PARP4: variants seen among roughly 807,000 people sequenced by gnomAD.
The protein encoded by PARP4 is protein mono-ADP-ribosyltransferase PARP4.
In PARP4, 120 loss-of-function variants were observed where a neutral mutation model predicts 187.7. The observed-to-expected ratio is 0.64, with a 90% CI of 0.55 to 0.74. PARP4 has a LOEUF of 0.74. Ranked by LOEUF, PARP4 falls within the 30% of genes least tolerant of loss-of-function variation. The pLI, the probability that PARP4 is intolerant of heterozygous loss-of-function variation, is 0.00. For missense variants in PARP4, 1,836 were observed against 2,070.5 expected, an observed-to-expected ratio of 0.89 and a Z score of 2.20; for synonymous variants, 654 against 740.9, an observed-to-expected ratio of 0.88 and a Z score of 1.90.
chr13:24,434,511 T>C lies in PARP4; in HGVS notation c.4630A>G (p.Thr1544Ala), dbSNP rs1870505012. 1 of 1,613,908 alleles carries C rather than the reference T, an allele frequency of 6.2e-7. No individual in the cohort carries two copies. The highest frequency in any genetic ancestry group is 1.3e-5 in the African/African-American group (1 of 74,944). ...AAGCACAGGATACTGTCATCTTTTG[T>C]ATCACATTTTATTTGTAAAAAGCAG... ...DSCFLQIKCD[T>A]KDDSILCFLE... Residue 1544 changes from threonine to alanine, a missense_variant, in exon 31 of 34, where the codon ACA becomes GCA. Thr to Ala is a moderately conservative substitution (Grantham distance 58). Coordinates refer to ENST00000381989, the MANE Select transcript of PARP4 (RefSeq NM_006437.4).
intron 1 of PARP4, among the ~76,000 whole-genome samples, chr13:24,506,973 C>T (rs1869734410): frequency 6.6e-6 from 1 of 152,208 alleles, no homozygotes; most frequent in South Asian, 2.1e-4. Context: ...GCTAAGGCTC[C>T]ACGAGAAATC....
At chr13:24,424,676 T>TTG (rs1206031077) in intron 33 of PARP4, among the ~76,000 whole-genome samples, 2 of 119,154 alleles carry the variant, frequency 1.7e-5, no homozygotes, top group African/African-American at 7.4e-5. Flanking sequence ...TTATGTACTT[T>TTG]TTTTTTTTTT....
chr13:24,484,776 T>A (rs1414721513), intron 11 of PARP4, 28 bp from the exon 12 acceptor site: 3 of 1,367,242 alleles, frequency 2.2e-6, no homozygotes, highest in South Asian at 1.2e-5. Flanking sequence ...GGATAAGGTG[T>A]AAGCCCAACA....
chr13:24,466,561 G>C (rs1022981411), intron 17 of PARP4, among the ~76,000 whole-genome samples: 1 of 152,142 alleles, frequency 6.6e-6, no homozygotes, highest in Non-Finnish European at 1.5e-5. Context: ...TTGGGAGGCA[G>C]AGGCAGGAGA....
At chr13:24,500,767 G>A (rs1869231234) in intron 3 of PARP4, among the ~76,000 whole-genome samples, 1 of 152,164 alleles carries the variant, frequency 6.6e-6, no homozygotes, top group African/African-American at 2.4e-5. Flanking sequence ...AAAGTCAAGG[G>A]CTCTGCATGA....
At chr13:24,497,532 C>T (rs1050251482) in intron 6 of PARP4, among the ~76,000 whole-genome samples, 22 of 152,240 alleles carry the variant, frequency 1.4e-4, no homozygotes, top group African/African-American at 4.3e-4. Context: ...TAAACATTCC[C>T]TTCTAGCGGG....
At position 24,486,308 on chromosome 13, in the gene PARP4, G is replaced by A. The variant is rs1873553617; in HGVS notation, c.1215-3C>T. On this transcript the variant is annotated splice_region_variant and splice_polypyrimidine_tract_variant and intron_variant, in intron 10 of 33. Transcript: ENST00000381989. The stretch of plus-strand genomic sequence containing the variant: ...GCAAGACATCCACTGGGCTCTTACT[G>A]TAAGAATTAGAAGAAAAGCCTTTAG... 14 of 1,562,734 alleles carry A rather than the reference G, an allele frequency of 9.0e-6. No individual in the cohort carries two copies. Among genetic ancestry groups the A allele is most frequent in the Non-Finnish European group, 1.2e-5 (14 of 1,138,666 alleles).
Position 24,465,451 on chromosome 13 carries a change from T to G in PARP4, c.2133+3573A>C, listed in dbSNP as rs1282565340. ...GGTACATATGTACCATGGAATACCA[T>G]GCAGACCATGTCCTTTGCAGGGACA... On this transcript the variant is annotated intron_variant, in intron 17 of 33. Transcript: ENST00000381989. Among the ~76,000 whole-genome samples the G allele has an allele frequency of 1.4e-4, 9 of 63,036 alleles. No homozygotes were observed. In the South Asian group the frequency reaches 5.8e-3, roughly 41 times the overall value. 41.4% of individuals were successfully genotyped at this position (63,036 alleles called of 152,430 possible). A position where few individuals can be genotyped will look rare whatever the true frequency, so the allele number is the denominator to read the frequency against.
chr13:24,485,959 C>T (rs1873528579), intron 11 of PARP4, among the ~76,000 whole-genome samples: 1 of 152,140 alleles, frequency 6.6e-6, no homozygotes, highest in Admixed American at 6.5e-5. Flanking sequence ...ATTAGGATTA[C>T]AGGTGTGACC....
At chr13:24,456,185 A>G (rs1813627925) in intron 21 of PARP4, among the ~76,000 whole-genome samples, 156 bp downstream of exon 21, 1 of 152,208 alleles carries the variant, frequency 6.6e-6, no homozygotes, top group South Asian at 2.1e-4. Context: ...GGCATGCTTG[A>G]TATCATAAAT....
chr13:24,470,784 T>C (rs1189653443), intron 15 of PARP4, among the ~76,000 whole-genome samples: 2 of 152,248 alleles, frequency 1.3e-5, no homozygotes, highest in South Asian at 4.2e-4. Context: ...TTGAAAACAT[T>C]GTCCACACCT....
intron 12 of PARP4, among the ~76,000 whole-genome samples, chr13:24,479,160 C>A (rs1030142216): frequency 6.6e-6 from 1 of 152,166 alleles, no homozygotes; most frequent in African/African-American, 2.4e-5. Flanking sequence ...CTAGGACACA[C>A]CTTTGGACAC....
rs775167729 is a variant in PARP4, at chr13:24,501,775, G to T, written c.192C>A (p.Ile64=). 10 of 1,612,752 alleles carry T rather than the reference G, an allele frequency of 6.2e-6. No individual in the cohort carries two copies. The highest frequency in any genetic ancestry group is 8.5e-6 in the Non-Finnish European group (10 of 1,178,850). Residue 64 remains isoleucine (I), a synonymous_variant, in exon 3 of 34, where the codon ATC becomes ATA. Transcript: ENST00000381989. ...DVLSQYQLNS[I]QKNHVHIANP... The stretch of plus-strand genomic sequence containing the variant: ...TTGCAATATGAACGTGGTTCTTTTG[G>T]ATAGAATTCAGTTGGTACTGACTCA...
Position 24,459,338 on chromosome 13 carries a change from A to T in PARP4, c.2299-28T>A, listed in dbSNP as rs757893071. On this transcript the variant is annotated intron_variant, in intron 18 of 33. Coordinates refer to ENST00000381989, the MANE Select transcript of PARP4 (RefSeq NM_006437.4). ...GTTAAAAGAAAAATACATTTGTATA[A>T]CTAAGCATATATTAAGTTTCACAAT... is the stretch of plus-strand genomic sequence containing the variant. The T allele has an allele frequency of 5.3e-6, 8 of 1,500,450 alleles. No homozygotes were observed. The South Asian group carries it at 9.8e-5, about 18-fold the overall frequency. 92.9% of individuals were successfully genotyped at this position (1,500,450 alleles called of 1,614,324 possible). A position where few individuals can be genotyped will look rare whatever the true frequency, so the allele number is the denominator to read the frequency against.
intron 9 of PARP4, among the ~76,000 whole-genome samples, 171 bp downstream of exon 9, chr13:24,492,250 T>C (rs772351369): frequency 9.9e-5 from 15 of 151,182 alleles, no homozygotes; most frequent in East Asian, 1.9e-4. Context: ...GAAAATATGG[T>C]TTAACTTTCA....
At chr13:24,437,942 G>C (rs1870717979) in intron 30 of PARP4, among the ~76,000 whole-genome samples, 1 of 151,712 alleles carries the variant, frequency 6.6e-6, no homozygotes, top group Non-Finnish European at 1.5e-5. Context: ...TTTTTTAGTA[G>C]AGACAGGGTT....
Position 24,494,624 on chromosome 13 carries a change from T to C in PARP4, c.690A>G (p.Arg230=). ...EELKKQGFLL[R]EHFTPEATQL... ...GGGTTGCTTCAGGTGTGAAATGTTC[T>C]CTTAGTAGAAATCCTTGTTTCTTCA... Residue 230 remains arginine, a synonymous_variant, in exon 7 of 34, where the codon AGA becomes AGG. Transcript: ENST00000381989. 1.2e-6 allele frequency: 2 copies of C among 1,611,920 alleles called. No individual in the cohort carries two copies. The highest frequency in any genetic ancestry group is 1.7e-6 in the Non-Finnish European group (2 of 1,178,478).
At position 24,501,840 on chromosome 13, in the gene PARP4, GAA is replaced by G. The variant is rs529899673; in HGVS notation, c.133-8_133-7del. The stretch of plus-strand genomic sequence containing the variant: ...TCTAAGATTATATGTGTGCACTAAG[GAA>G]AAAAAGAGTCAATCCATTATGCATC... On this transcript the variant is annotated splice_region_variant and splice_polypyrimidine_tract_variant and intron_variant, in intron 2 of 33. Coordinates refer to ENST00000381989, the MANE Select transcript of PARP4 (RefSeq NM_006437.4). 3 of 1,529,450 alleles carry G rather than the reference GAA, an allele frequency of 2.0e-6. No individual in the cohort carries two copies. Among genetic ancestry groups the G allele is most frequent in the African/African-American group, 2.8e-5 (2 of 71,890 alleles). 94.7% of individuals were successfully genotyped at this position (1,529,450 alleles called of 1,614,324 possible).
intron 30 of PARP4, among the ~76,000 whole-genome samples, chr13:24,435,742 C>A (rs1233800204): frequency 6.6e-6 from 1 of 151,990 alleles, no homozygotes; most frequent in Non-Finnish European, 1.5e-5. Context: ...CACAGCGAGG[C>A]TCCATCTTTA....
Sources: allele counts gnomAD v4.1 joint callset (sites outside exome capture counted in the v4.1 genomes callset), GRCh38; gene constraint gnomAD v4.1.1; transcripts MANE v1.5; gene names NCBI Gene and HGNC (gene_info 2026-07-23, HGNC 2026-07-21).